PCDHGA7: variants seen among roughly 807,000 people sequenced by gnomAD.
PCDHGA7 encodes protocadherin gamma subfamily A, 7.
Under a neutral mutation model 58.3 loss-of-function variants are expected in PCDHGA7, and 44 were observed. That is an observed-to-expected ratio of 0.75 (90% confidence interval 0.59 to 0.97). The LOEUF (loss-of-function observed/expected upper bound fraction) is 0.97, where lower values mean the gene tolerates loss of function less well. PCDHGA7 is among the 50% of genes least tolerant of loss of function. The probability of loss-of-function intolerance (pLI) is 0.00; values close to 1 mark genes in which losing one functional copy is unlikely to be tolerated. For missense variants in PCDHGA7, 1,266 were observed against 1,188.7 expected, an observed-to-expected ratio of 1.06 and a Z score of -0.96; for synonymous variants, 516 against 504.2, an observed-to-expected ratio of 1.02 and a Z score of -0.31.
chr5:141,423,513 G>A, intron 1 of PCDHGA7: 2 of 1,613,750 alleles, frequency 1.2e-6, no homozygotes. Context: ...CTCTCATTGC[G>A]GACTCGCAGA....
chr5:141,387,021 G>A (rs1385427303), intron 1 of PCDHGA7, among the ~76,000 whole-genome samples: 1 of 152,158 alleles, frequency 6.6e-6, no homozygotes, highest in Non-Finnish European at 1.5e-5. Context: ...GAAGATGAAT[G>A]TTGTATTTCA....
chr5:141,421,680 G>A (rs2096591907), intron 1 of PCDHGA7: 5 of 1,613,758 alleles, frequency 3.1e-6, no homozygotes, highest in Non-Finnish European at 4.2e-6. Context: ...TTCCTGGGGC[G>A]CGATTTGCTC....
intron 1 of PCDHGA7, chr5:141,418,770 A>G: frequency 6.2e-7 from 1 of 1,613,892 alleles, no homozygotes; most frequent in Non-Finnish European, 8.5e-7. Context: ...ATTCTAACTC[A>G]GCAGCCTTTG....
chr5:141,465,210 AT>A (rs1374516492), intron 1 of PCDHGA7, among the ~76,000 whole-genome samples: 4 of 152,032 alleles, frequency 2.6e-5, no homozygotes, highest in African/African-American at 9.7e-5. Flanking sequence ...TATAAGCTTT[AT>A]TTTTCAACAT....
chr5:141,478,724 G>T, intron 1 of PCDHGA7: 2 of 1,542,774 alleles, frequency 1.3e-6, no homozygotes, highest in Non-Finnish European at 1.8e-6. Context: ...TGGCCTGCCA[G>T]AGTGTGGTTT....
chr5:141,487,404 C>T lies in PCDHGA7; in HGVS notation c.2425-7403C>T, dbSNP rs771371344. ...AGATCTCGAAGGAGGGAGGGGCTTC[C>T]CCCTTCCAATGGGATCCTCCGAATC... On this transcript the variant is annotated intron_variant, in intron 1 of 3. Transcript: ENST00000518325. The surrounding 1 kb of genome is among the most constrained non-coding windows in gnomAD (Gnocchi z 5.0). 2 of 1,614,178 alleles carry T rather than the reference C, an allele frequency of 1.2e-6. No homozygotes were observed. Among genetic ancestry groups the T allele is most frequent in the Non-Finnish European group, 8.5e-7 (1 of 1,180,032 alleles).
At chr5:141,395,067 A>G (rs1200049263) in intron 1 of PCDHGA7, 4 of 1,613,888 alleles carry the variant, frequency 2.5e-6, no homozygotes, top group South Asian at 1.1e-5. Context: ...TTTCCTGCAG[A>G]CCTATTCCCA....
chr5:141,431,960 T>C lies in PCDHGA7; in HGVS notation c.2424+46637T>C. On this transcript the variant is annotated intron_variant, in intron 1 of 3. Transcript: ENST00000518325. This position sits in a 1 kb window ranked among gnomAD's most constrained non-coding sequence, Gnocchi z 4.8. ...TAAATTAGAAAAATCTTACGGAAAT[T>C]ACTATAGTTTAGTCACAGACATAGT... The C allele has an allele frequency of 3.7e-6, 6 of 1,614,166 alleles. No individual in the cohort carries two copies. Among genetic ancestry groups the C allele is most frequent in the Non-Finnish European group, 5.1e-6 (6 of 1,180,034 alleles).
intron 1 of PCDHGA7, among the ~76,000 whole-genome samples, chr5:141,457,415 C>T (rs185690067): frequency 3.9e-4 from 60 of 152,300 alleles, no homozygotes; most frequent in African/African-American, 1.3e-3. Flanking sequence ...CATTACCCAT[C>T]CCTTTTTCCC....
At chr5:141,423,228 C>G (rs1321708353) in intron 1 of PCDHGA7, 5 of 1,613,866 alleles carry the variant, frequency 3.1e-6, no homozygotes, top group Non-Finnish European at 2.5e-6. Context: ...CTGTGGCCGA[C>G]AGCATCCCCG....
intron 1 of PCDHGA7, chr5:141,468,556 GAT>G (rs754546771): frequency 6.6e-6 from 1 of 151,930 alleles, no homozygotes; most frequent in Non-Finnish European, 1.5e-5. Flanking sequence ...TAACATTTGT[GAT>G]ATAGTAAACA....
intron 1 of PCDHGA7, among the ~76,000 whole-genome samples, chr5:141,426,133 G>A (rs2096916691): frequency 6.6e-6 from 1 of 152,212 alleles, no homozygotes. Context: ...GCCAAGACTT[G>A]GGCTTTCTGC....
intron 1 of PCDHGA7, chr5:141,413,467 G>T: frequency 6.2e-7 from 1 of 1,614,136 alleles, no homozygotes; most frequent in Non-Finnish European, 8.5e-7. Context: ...AGACCGGGAG[G>T]AGCTCTGCGC....
chr5:141,463,176 C>CA (rs2099054640), intron 1 of PCDHGA7, among the ~76,000 whole-genome samples: 1 of 152,100 alleles, frequency 6.6e-6, no homozygotes, highest in African/African-American at 2.4e-5. Flanking sequence ...TATGTATGCT[C>CA]AGATTATTAT....
chr5:141,457,495 T>C (rs2098922394), intron 1 of PCDHGA7, among the ~76,000 whole-genome samples: 1 of 152,204 alleles, frequency 6.6e-6, no homozygotes, highest in Admixed American at 6.5e-5. Context: ...GTCTAAAATG[T>C]AGGCAAAAAG....
In PCDHGA7 at chr5:141,487,930, G is replaced by T; in HGVS notation, c.2425-6877G>T. On this transcript the variant is annotated intron_variant, in intron 1 of 3. Coordinates refer to ENST00000518325, the MANE Select transcript of PCDHGA7 (RefSeq NM_018920.4). This position sits in a 1 kb window ranked among gnomAD's most constrained non-coding sequence, Gnocchi z 5.0. Reference sequence around the variant, plus strand: ...GAGCACAGGAGGCTACAGTGCACAGGGTACAGTGCACCAGGCAGTCACTTG... The same window carrying T: ...GAGCACAGGAGGCTACAGTGCACAGTGTACAGTGCACCAGGCAGTCACTTG... 2 of 613,220 alleles carry T rather than the reference G, an allele frequency of 3.3e-6. No homozygotes were observed. Among genetic ancestry groups the T allele is most frequent in the African/African-American group, 1.8e-5 (1 of 54,186 alleles). 38.0% of individuals were successfully genotyped at this position (613,220 alleles called of 1,614,324 possible).
Position 141,490,972 on chromosome 5 carries a change from C to G in PCDHGA7, c.2425-3835C>G. 6.2e-7 allele frequency: 1 copy of G among 1,613,912 alleles called. No homozygotes were observed. Among genetic ancestry groups the G allele is most frequent in the Non-Finnish European group, 8.5e-7 (1 of 1,179,922 alleles). Reference sequence around the variant, plus strand: ...AGACTGGGAACACTCAGCCCCCCAGCGTCTCCCTCGCTCTGCTCCTCCTGG... The same window carrying G: ...AGACTGGGAACACTCAGCCCCCCAGGGTCTCCCTCGCTCTGCTCCTCCTGG... On this transcript the variant is annotated intron_variant, in intron 1 of 3. Coordinates refer to ENST00000518325, the MANE Select transcript of PCDHGA7 (RefSeq NM_018920.4). The surrounding 1 kb of genome is among the most constrained non-coding windows in gnomAD (Gnocchi z 5.4).
rs372245447 is a variant in PCDHGA7, at chr5:141,489,609, C to T, written c.2425-5198C>T. ...AGCTAATCCGTGTAGAGGTAGAGAT[C>T]CTGGATCTCAATGACAACTCTCCTA... On this transcript the variant is annotated intron_variant, in intron 1 of 3. Coordinates refer to ENST00000518325, the MANE Select transcript of PCDHGA7 (RefSeq NM_018920.4). This position sits in a 1 kb window ranked among gnomAD's most constrained non-coding sequence, Gnocchi z 4.5. The T allele has an allele frequency of 1.9e-6, 3 of 1,613,934 alleles. No homozygotes were observed. The African/African-American group carries it at 4.0e-5, about 22-fold the overall frequency.
chr5:141,481,071 A>G (rs887828386), intron 1 of PCDHGA7, among the ~76,000 whole-genome samples: 19 of 152,172 alleles, frequency 1.2e-4, no homozygotes, highest in African/African-American at 4.6e-4. Context: ...AACAAAAAGA[A>G]AGAAAGAAAA....
Sources: allele counts gnomAD v4.1 joint callset (sites outside exome capture counted in the v4.1 genomes callset), GRCh38; gene constraint gnomAD v4.1.1; non-coding constraint Gnocchi (gnomAD v3.1); transcripts MANE v1.5; gene names NCBI Gene and HGNC (gene_info 2026-07-23, HGNC 2026-07-21).